SASH1: variants seen among roughly 807,000 people sequenced by gnomAD.
SASH1 encodes the protein SAM and SH3 domain containing 1.
A neutral mutation model predicts 125.2 loss-of-function variants in SASH1; 44 were observed. That is an observed-to-expected ratio of 0.35 (90% CI 0.28 to 0.45). SASH1 has a LOEUF of 0.45. Among genes scored for constraint, SASH1 ranks in the 20% least tolerant of loss-of-function variants. The pLI, the probability that SASH1 is intolerant of heterozygous loss-of-function variation, is 1.00. For missense variants in SASH1, 1,426 were observed against 1,614.5 expected (o/e 0.88, Z 2.00); for synonymous variants, 639 against 649.1 (o/e 0.98, Z 0.24).
chr6:148,411,932 T>C (rs1784646831), intron 2 of SASH1, among the ~76,000 whole-genome samples: 1 of 152,240 alleles, frequency 6.6e-6, no homozygotes, highest in African/African-American at 2.4e-5. Flanking sequence ...AATGGGAATA[T>C]TCACCCAAGT....
intron 17 of SASH1, among the ~76,000 whole-genome samples, chr6:148,542,474 C>T (rs536165100): frequency 6.6e-6 from 1 of 152,182 alleles, no homozygotes; most frequent in African/African-American, 2.4e-5. Context: ...GCAAGGTCCA[C>T]CTCCCGGGTT....
upstream of SASH1, among the ~76,000 whole-genome samples, chr6:148,271,580 T>C (rs1204315982): frequency 1.3e-5 from 2 of 152,208 alleles, no homozygotes; most frequent in African/African-American, 4.8e-5. Context: ...CCTTTAGATG[T>C]CTTCAAAATT....
chr6:148,519,794 G>C lies in SASH1; in HGVS notation c.1110G>C (p.Gly370=). The part of the protein sequence containing the change: ...RGLIKPPKKM[G]TFFSYPEEEK... ...TGATTAAGCCCCCCAAGAAGATGGG[G>C]ACATTCTTCTCCTACCCAGAAGAAG... The change falls in exon 10 of 20, where the codon GGG becomes GGC. Residue 370 remains glycine (G), a synonymous_variant. Coordinates refer to ENST00000367467, the MANE Select transcript of SASH1 (RefSeq NM_015278.5). This position sits in a 1 kb window ranked among gnomAD's most constrained non-coding sequence, Gnocchi z 4.8. 1 of 1,613,924 alleles carries C rather than the reference G, an allele frequency of 6.2e-7. No individual in the cohort carries two copies. The highest frequency in any genetic ancestry group is 2.2e-5 in the East Asian group (1 of 44,862).
chr6:148,397,895 C>T (rs984401460), intron 2 of SASH1, among the ~76,000 whole-genome samples: 2 of 152,108 alleles, frequency 1.3e-5, no homozygotes, highest in Non-Finnish European at 2.9e-5. Context: ...AAAGAGGCCA[C>T]AGTTTAGTAG....
chr6:148,293,280 T>C (rs577818172), intron 1 of SASH1, among the ~76,000 whole-genome samples: 38 of 152,312 alleles, frequency 2.5e-4, no homozygotes, highest in Non-Finnish European at 5.9e-5. Context: ...TGAGCAAAGA[T>C]GTTGCCCTTT....
chr6:148,460,335 AATTAAACATTCTACAACTCAC>A lies in SASH1; in HGVS notation c.387-8208_387-8188del, dbSNP rs745955145. 1.4e-3 allele frequency among the ~76,000 whole-genome samples: 216 copies of A among 152,262 alleles called. 2 individuals are homozygous for A. The highest frequency in any genetic ancestry group is 1.9e-4 in the Non-Finnish European group (13 of 68,020). Reference sequence around the variant, plus strand: ...ATATACAAAGAGGGTGGGGTAGAAAAATTAAACATTCTACAACTCACAGTTGGAGAATTTAGATCTTTCAGT... The same window carrying A: ...ATATACAAAGAGGGTGGGGTAGAAAAAGTTGGAGAATTTAGATCTTTCAGT... On this transcript the variant is annotated intron_variant, in intron 4 of 19. Transcript: ENST00000367467.
chr6:148,367,330 T>C (rs1230739950), intron 1 of SASH1, among the ~76,000 whole-genome samples: 1 of 152,262 alleles, frequency 6.6e-6, no homozygotes, highest in African/African-American at 2.4e-5. Flanking sequence ...CTCAGTCCTT[T>C]TAGCAATCCT....
chr6:148,468,765 T>G (rs576656251), intron 5 of SASH1, 180 bp downstream of exon 5: 98 of 530,976 alleles, frequency 1.8e-4, no homozygotes, highest in African/African-American at 1.7e-3. Context: ...ATAATTGTGA[T>G]CATATTCTGC....
intron 5 of SASH1, 185 bp downstream of exon 5, chr6:148,468,770 T>C (rs1777965810): frequency 1.9e-6 from 1 of 518,810 alleles, no homozygotes; most frequent in Non-Finnish European, 3.4e-6. Flanking sequence ...TGTGATCATA[T>C]TCTGCATACT....
intron 1 of SASH1, among the ~76,000 whole-genome samples, chr6:148,312,299 G>A (rs1780352502): frequency 6.6e-6 from 1 of 152,158 alleles, no homozygotes; most frequent in Admixed American, 6.5e-5. Context: ...CCATAAGCCT[G>A]ATCAGGAAGA....
intron 8 of SASH1, among the ~76,000 whole-genome samples, chr6:148,493,143 G>A (rs1266070754): frequency 6.6e-6 from 1 of 152,178 alleles, no homozygotes; most frequent in Non-Finnish European, 1.5e-5. Flanking sequence ...TTTACTCTGT[G>A]TATTTTGCTA....
the SASH1 span, among the ~76,000 whole-genome samples, chr6:148,236,375 G>A: frequency 1.8e-3 from 276 of 152,134 alleles, 2 homozygotes; most frequent in African/African-American, 6.2e-3. Context: ...ATCATGCCTG[G>A]CTAATTTTTG....
At chr6:148,208,296 A>G in the SASH1 span, among the ~76,000 whole-genome samples, 2 of 152,228 alleles carry the variant, frequency 1.3e-5, no homozygotes, top group Admixed American at 6.5e-5. Flanking sequence ...CTAAAGGACT[A>G]TTCGGAAAAC....
In SASH1 at chr6:148,533,987, C is replaced by G. The variant is rs150056851; in HGVS notation, c.1944+7C>G. ...GGATCGGATTAACCTAAAAGTCAGT[C>G]GCTTCTGATTCTTGTCACACGCTAC... On this transcript the variant is annotated splice_region_variant and intron_variant, in intron 15 of 19. Transcript: ENST00000367467. This position sits in a 1 kb window ranked among gnomAD's most constrained non-coding sequence, Gnocchi z 6.2. 6.7e-4 allele frequency: 1,088 copies of G among 1,612,912 alleles called. 6 individuals are homozygous for G. The African/African-American group carries it at 0.013, about 19-fold the overall frequency.
intron 1 of SASH1, among the ~76,000 whole-genome samples, chr6:148,383,744 C>T (rs1046592516): frequency 6.6e-6 from 1 of 152,004 alleles, no homozygotes; most frequent in African/African-American, 2.4e-5. Flanking sequence ...CTTTTGTTTT[C>T]CTAGTAGTTT....
chr6:148,513,392 C>T (rs1010294006), intron 8 of SASH1: 1 of 985,462 alleles, frequency 1.0e-6, no homozygotes, highest in Non-Finnish European at 1.2e-6. Context: ...CCGTGTTGCA[C>T]ACTCGTTTAG....
the SASH1 span, among the ~76,000 whole-genome samples, chr6:148,227,325 A>G: frequency 6.6e-6 from 1 of 152,170 alleles, no homozygotes; most frequent in African/African-American, 2.4e-5. Context: ...CAGTTTAATC[A>G]GCATATGGTA....
Position 148,514,445 on chromosome 6 carries a change from C to T in SASH1, c.851C>T (p.Pro284Leu). Residue 284 changes from proline (P) to leucine (L), a missense_variant, in exon 9 of 20, where the codon CCC becomes CTC. By Grantham distance (98) the Pro-to-Leu change is moderately conservative. Coordinates refer to ENST00000367467, the MANE Select transcript of SASH1 (RefSeq NM_015278.5). ...KLIRVEEMKKPSTEGGEEHVF... is the reference protein window; with the variant it reads ...KLIRVEEMKKLSTEGGEEHVF... ...ATTAGGGTGGAAGAAATGAAAAAAC[C>T]CAGCACTGAAGGTAAAAAAAAAAAA... is the stretch of plus-strand genomic sequence containing the variant. 1 of 875,302 alleles carries T rather than the reference C, an allele frequency of 1.1e-6. No individual in the cohort carries two copies. Among genetic ancestry groups the T allele is most frequent in the Non-Finnish European group, 1.6e-6 (1 of 638,748 alleles). 54.2% of individuals were successfully genotyped at this position (875,302 alleles called of 1,614,324 possible). A position where few individuals can be genotyped will look rare whatever the true frequency, so the allele number is the denominator to read the frequency against.
chr6:148,230,342 T>A, the SASH1 span, among the ~76,000 whole-genome samples: 2 of 152,178 alleles, frequency 1.3e-5, no homozygotes, highest in South Asian at 2.1e-4. Flanking sequence ...TTGTTTCTTT[T>A]TCTTTTCTTT....
Sources: allele counts gnomAD v4.1 joint callset (sites outside exome capture counted in the v4.1 genomes callset), GRCh38; gene constraint gnomAD v4.1.1; non-coding constraint Gnocchi (gnomAD v3.1); transcripts MANE v1.5; gene names NCBI Gene and HGNC (gene_info 2026-07-23, HGNC 2026-07-21).